The following RUFY2 variants were observed in gnomAD, a reference collection of about 807,000 sequenced individuals.
The protein encoded by RUFY2 is RUN and FYVE domain containing 2.
Under a neutral mutation model 94.4 loss-of-function variants are expected in RUFY2, and 49 were observed. The observed-to-expected ratio is 0.52, with a 90% CI of 0.41 to 0.66. RUFY2 has a LOEUF of 0.66. Ranked by LOEUF, RUFY2 falls within the 30% of genes least tolerant of loss-of-function variation. The probability of loss-of-function intolerance (pLI) is 0.00; values close to 1 mark genes in which losing one functional copy is unlikely to be tolerated. For synonymous variants in RUFY2, 255 were observed against 235.7 expected, an observed-to-expected ratio of 1.08 and a Z score of -0.75; for missense variants, 541 against 692.8, an observed-to-expected ratio of 0.78 and a Z score of 2.46.
At position 68,407,228 on chromosome 10, in the gene RUFY2, C is replaced by T. The variant is rs979716717; in HGVS notation, c.-39G>A. 8.0e-6 allele frequency: 11 copies of T among 1,376,048 alleles called. No homozygotes were observed. The highest frequency in any genetic ancestry group is 1.7e-5 in the South Asian group (1 of 59,818). 85.2% of individuals were successfully genotyped at this position (1,376,048 alleles called of 1,614,324 possible). A position where few individuals can be genotyped will look rare whatever the true frequency, so the allele number is the denominator to read the frequency against. On this transcript the variant is annotated 5_prime_UTR_variant, in exon 1 of 18. Coordinates refer to ENST00000602465, the MANE Select transcript of RUFY2 (RefSeq NM_001330103.2). ...GCGCGGTCTCGGGCGGAGGCTCCCT[C>T]GGCCTGTCCAGCAGCTCCTTCCAGG...
At chr10:68,352,899 A>G (rs2046784724) in intron 16 of RUFY2, among the ~76,000 whole-genome samples, 2 of 151,972 alleles carry the variant, frequency 1.3e-5, no homozygotes, top group Non-Finnish European at 2.9e-5. Flanking sequence ...CAGCCTGGGC[A>G]ACAGAGGGAG....
Position 68,344,870 on chromosome 10 carries a change from A to C in RUFY2, c.*898T>G, listed in dbSNP as rs1401483941. 2 of 152,346 alleles carry C rather than the reference A, an allele frequency of 1.3e-5. No individual in the cohort carries two copies. The highest frequency in any genetic ancestry group is 4.8e-5 in the African/African-American group (2 of 41,566). The allele number at this position is 152,346 out of a possible 1,614,324, so 9.4% of individuals were successfully genotyped here. ...AATTTTTTGAACTGAACTCTAATAC[A>C]TTACCAAAGCAAAGTCCTGATTTTT... On this transcript the variant is annotated 3_prime_UTR_variant, in exon 18 of 18. Transcript: ENST00000602465.
At chr10:68,406,152 G>A (rs1564862792) in intron 1 of RUFY2, among the ~76,000 whole-genome samples, 3 of 150,468 alleles carry the variant, frequency 2.0e-5, no homozygotes, top group Non-Finnish European at 4.4e-5. Flanking sequence ...CAATGTGCCC[G>A]TTTTTCCTTC....
At chr10:68,376,711 ATT>A (rs1564816741) in intron 13 of RUFY2, 140 bp downstream of exon 13, 1 of 707,236 alleles carries the variant, frequency 1.4e-6, no homozygotes, top group African/African-American at 1.8e-5. Context: ...TATTTTCTAA[ATT>A]TTTTTGTTTT....
chr10:68,373,278 A>G (rs1221515722), intron 13 of RUFY2, among the ~76,000 whole-genome samples: 1 of 152,220 alleles, frequency 6.6e-6, no homozygotes, highest in Non-Finnish European at 1.5e-5. Context: ...GCTACAGATA[A>G]ATCAAAATGG....
chr10:68,396,859 C>T lies in RUFY2; in HGVS notation c.319G>A (p.Ala107Thr). The change falls in exon 4 of 18, where the codon GCG (alanine) becomes ACG (threonine). Residue 107 changes from alanine to threonine, a missense_variant. Physicochemically the swap from Ala to Thr is moderately conservative, Grantham distance 58. Around this residue, in one of 3 missense-constraint regions of RUFY2, gnomAD observed 85 missense variants for 153.4 expected, o/e 0.55. Coordinates refer to ENST00000602465, the MANE Select transcript of RUFY2 (RefSeq NM_001330103.2). ...TGCATGAGGGCTAATCGAAGCCACGCTCTTGCTCGACCCAGAGGGGTCCTA... is the reference window on the plus strand; with the variant it reads ...TGCATGAGGGCTAATCGAAGCCACGTTCTTGCTCGACCCAGAGGGGTCCTA... Reference protein sequence around the residue: ...GLKTPLGRARAWLRLALMQKK... With the variant: ...GLKTPLGRARTWLRLALMQKK... The T allele has an allele frequency of 6.2e-7, 1 of 1,614,024 alleles. No homozygotes were observed. Among genetic ancestry groups the T allele is most frequent in the Non-Finnish European group, 8.5e-7 (1 of 1,179,926 alleles).
chr10:68,394,218 A>T, intron 5 of RUFY2, 82 bp from the exon 6 acceptor site: 1 of 1,553,926 alleles, frequency 6.4e-7, no homozygotes, highest in South Asian at 1.2e-5. Flanking sequence ...TACTCTTAAT[A>T]TTCCTTTAGT....
At position 68,345,275 on chromosome 10, in the gene RUFY2, GGA is replaced by G. The variant is rs1348381784; in HGVS notation, c.*491_*492del. 33 of 207,532 alleles carry G rather than the reference GGA, an allele frequency of 1.6e-4. No individual in the cohort carries two copies. Among genetic ancestry groups the G allele is most frequent in the Non-Finnish European group, 6.7e-5 (7 of 105,064 alleles). The allele number at this position is 207,532 out of a possible 1,614,324, so 12.9% of individuals were successfully genotyped here. A position where few individuals can be genotyped will look rare whatever the true frequency, so the allele number is the denominator to read the frequency against. ...GCCCTGTCTAATGCAAGAGGCAAAGGGAGAGGGGGAGAAGAAAGGGCAAATAA... is the reference window on the plus strand; with the variant it reads ...GCCCTGTCTAATGCAAGAGGCAAAGGGAGGGGGAGAAGAAAGGGCAAATAA... On this transcript the variant is annotated 3_prime_UTR_variant, in exon 18 of 18. Transcript: ENST00000602465.
Position 68,371,825 on chromosome 10 carries a change from C to T in RUFY2, c.1325+5028G>A, listed in dbSNP as rs1310493070. ...GACATTAACACCTAAAGAGAAACAA[C>T]AATTCAAATGACAGTGTATTTTTAA... On this transcript the variant is annotated intron_variant, in intron 13 of 17. Transcript: ENST00000602465. Among the ~76,000 whole-genome samples, 3 of 152,068 alleles carry T rather than the reference C, an allele frequency of 2.0e-5. No homozygotes were observed. In the East Asian group the frequency reaches 5.8e-4, roughly 29 times the overall value.
At chr10:68,385,305 A>T (rs974400724) in intron 8 of RUFY2, among the ~76,000 whole-genome samples, 4 of 152,100 alleles carry the variant, frequency 2.6e-5, no homozygotes, top group Admixed American at 1.3e-4. Context: ...GTTAATTAAC[A>T]TGGAAAATAG....
chr10:68,400,042 A>C (rs916859220), intron 3 of RUFY2, among the ~76,000 whole-genome samples: 1 of 152,020 alleles, frequency 6.6e-6, no homozygotes, highest in Non-Finnish European at 1.5e-5. Flanking sequence ...GGCCTCCCAA[A>C]GTGCTGGGAT....
At chr10:68,366,465 G>T (rs543325412) in intron 13 of RUFY2, among the ~76,000 whole-genome samples, 3 of 151,280 alleles carry the variant, frequency 2.0e-5, no homozygotes, top group Non-Finnish European at 2.9e-5. Context: ...TTTTCAGGCT[G>T]GGCGCAGTGG....
chr10:68,358,484 AAAT>A (rs1451167959), intron 15 of RUFY2, among the ~76,000 whole-genome samples: 1 of 152,224 alleles, frequency 6.6e-6, no homozygotes, highest in Non-Finnish European at 1.5e-5. Context: ...TTTCTTGGCT[AAAT>A]TCACATCTAC....
intron 2 of RUFY2, among the ~76,000 whole-genome samples, chr10:68,402,383 A>G (rs1384680749): frequency 2.0e-5 from 3 of 152,202 alleles, no homozygotes; most frequent in Non-Finnish European, 2.9e-5. Flanking sequence ...ATTACTGACC[A>G]GATCTCCTGC....
chr10:68,378,195 G>T (rs1471331549), intron 12 of RUFY2: 6 of 991,928 alleles, frequency 6.0e-6, no homozygotes, highest in Non-Finnish European at 7.2e-6. Context: ...CAAAGAGTGG[G>T]CCAATGAGAA....
chr10:68,403,165 G>T (rs745783060), intron 2 of RUFY2, among the ~76,000 whole-genome samples: 60 of 148,424 alleles, frequency 4.0e-4, no homozygotes, highest in Middle Eastern at 7.0e-3. Context: ...TTTAAAGAAG[G>T]AAGTCACAGA....
chr10:68,385,535 T>C (rs1236371647), intron 8 of RUFY2, among the ~76,000 whole-genome samples: 2 of 152,098 alleles, frequency 1.3e-5, no homozygotes, highest in African/African-American at 4.8e-5. Flanking sequence ...AGAAAAGTAA[T>C]CTGACTAGTG....
chr10:68,381,425 C>T (rs1170246208), intron 10 of RUFY2, 26 bp from the exon 11 acceptor site: 1 of 1,594,200 alleles, frequency 6.3e-7, no homozygotes, highest in Non-Finnish European at 8.5e-7. Context: ...ATCCTCAATT[C>T]ACATGCCACT....
At chr10:68,400,741 G>T (rs1403789788) in intron 3 of RUFY2, among the ~76,000 whole-genome samples, 1 of 151,276 alleles carries the variant, frequency 6.6e-6, no homozygotes, top group East Asian at 1.9e-4. Flanking sequence ...GGCTTGGCGC[G>T]GTGGCTCACG....
Sources: allele counts gnomAD v4.1 joint callset (sites outside exome capture counted in the v4.1 genomes callset), GRCh38; gene constraint gnomAD v4.1.1; regional missense constraint gnomAD v4.1.1; transcripts MANE v1.5; gene names NCBI Gene and HGNC (gene_info 2026-07-23, HGNC 2026-07-21).